Variants in AJAP1 observed in about 807,000 individuals in gnomAD.
The protein encoded by AJAP1 is adherens junctions associated protein 1.
In AJAP1, 5 loss-of-function variants were observed where a neutral mutation model predicts 35.0. That is an observed-to-expected ratio of 0.14 (90% confidence interval 0.07 to 0.30). The LOEUF is 0.30. AJAP1 is among the 10% of genes least tolerant of loss of function. AJAP1 has a pLI of 1.00. For synonymous variants in AJAP1, 284 were observed against 249.3 expected (o/e 1.14, Z -1.31); for missense variants, 586 against 571.0 (o/e 1.03, Z -0.27).
chr1:4,697,352 T>A (rs1263528902), intron 1 of AJAP1, among the ~76,000 whole-genome samples: 12 of 152,260 alleles, frequency 7.9e-5, no homozygotes, highest in Non-Finnish European at 4.4e-5. Flanking sequence ...AGGAAGCCAT[T>A]TGTGGCTTCG....
chr1:4,735,960 G>A (rs912628148), intron 2 of AJAP1, among the ~76,000 whole-genome samples: 2 of 152,226 alleles, frequency 1.3e-5, no homozygotes, highest in Admixed American at 1.3e-4. Flanking sequence ...TAGAGGAAGA[G>A]GGTTGGCGCT....
intron 2 of AJAP1, among the ~76,000 whole-genome samples, chr1:4,749,696 C>T (rs747006033): frequency 1.6e-4 from 24 of 152,226 alleles, no homozygotes; most frequent in African/African-American, 2.9e-4. Context: ...TTAGGGGCAG[C>T]GGCCCTGTGT....
intron 1 of AJAP1, among the ~76,000 whole-genome samples, chr1:4,675,053 C>T (rs901132506): frequency 3.3e-5 from 5 of 152,302 alleles, no homozygotes; most frequent in African/African-American, 1.2e-4. Flanking sequence ...TGGTCAGAGC[C>T]ATCAGGGCTG....
chr1:4,680,227 C>A (rs888795424), intron 1 of AJAP1, among the ~76,000 whole-genome samples: 1 of 152,140 alleles, frequency 6.6e-6, no homozygotes, highest in Non-Finnish European at 1.5e-5. Flanking sequence ...GATGTTAATC[C>A]TATCCATGAA....
intron 2 of AJAP1, among the ~76,000 whole-genome samples, chr1:4,715,910 C>A (rs1018984627): frequency 6.6e-6 from 1 of 152,228 alleles, no homozygotes; most frequent in East Asian, 1.9e-4. Flanking sequence ...AGCTTTGCCA[C>A]ATACTGGGGG....
chr1:4,747,441 T>C (rs1011943753), intron 2 of AJAP1, among the ~76,000 whole-genome samples: 1 of 152,166 alleles, frequency 6.6e-6, no homozygotes, highest in African/African-American at 2.4e-5. Flanking sequence ...TCCTCCTCCT[T>C]GGGCTTTCAG....
rs1327387513 is a variant in AJAP1 at position 4,679,848 on chromosome 1, T to TA, written c.29+24394_29+24395insA. ...GTGTGTGTGTGTGTGTGTGTGTGTG[T>TA]GTGTAGAGAGAGATACTTACAAGGA... is the stretch of plus-strand genomic sequence containing the variant. On this transcript the variant is annotated intron_variant, in intron 1 of 5. Transcript: ENST00000378191. Among the ~76,000 whole-genome samples the TA allele has an allele frequency of 1.6e-4, 23 of 141,120 alleles. No homozygotes were observed. The South Asian group carries it at 2.9e-3, about 18-fold the overall frequency. 92.6% of individuals were successfully genotyped at this position (141,120 alleles called of 152,430 possible).
At chr1:4,675,095 C>T (rs529686988) in intron 1 of AJAP1, among the ~76,000 whole-genome samples, 1 of 152,150 alleles carries the variant, frequency 6.6e-6, no homozygotes, top group Admixed American at 6.5e-5. Context: ...GAGCAAAACC[C>T]GTGCCCTCCT....
At chr1:4,742,772 C>T (rs1319616916) in intron 2 of AJAP1, among the ~76,000 whole-genome samples, 1 of 152,166 alleles carries the variant, frequency 6.6e-6, no homozygotes, top group Non-Finnish European at 1.5e-5. Flanking sequence ...CCACCCTAGC[C>T]CAGGTAGAAA....
chr1:4,708,049 C>A (rs1381343284), intron 1 of AJAP1, among the ~76,000 whole-genome samples: 2 of 149,656 alleles, frequency 1.3e-5, no homozygotes, highest in African/African-American at 2.5e-5. Flanking sequence ...CTCACTGCAA[C>A]CTCCGCCTCC....
intron 2 of AJAP1, among the ~76,000 whole-genome samples, chr1:4,756,432 T>C (rs1386362924): frequency 6.6e-6 from 1 of 152,158 alleles, no homozygotes; most frequent in Non-Finnish European, 1.5e-5. Flanking sequence ...AGCAGGGGCT[T>C]GTCTGGACCA....
chr1:4,707,978 T>TG (rs1165698458), intron 1 of AJAP1, among the ~76,000 whole-genome samples: 9 of 149,798 alleles, frequency 6.0e-5, no homozygotes, highest in African/African-American at 2.2e-4. Context: ...TTTTTTGTTT[T>TG]TTTTTTTTGA....
At chr1:4,762,715 C>A (rs1557644418) in intron 2 of AJAP1, among the ~76,000 whole-genome samples, 1 of 152,168 alleles carries the variant, frequency 6.6e-6, no homozygotes, top group African/African-American at 2.4e-5. Context: ...AGTCTCCCTG[C>A]TGAATTATTA....
intron 1 of AJAP1, among the ~76,000 whole-genome samples, chr1:4,658,353 G>A (rs1034051509): frequency 1.2e-4 from 18 of 152,178 alleles, no homozygotes; most frequent in African/African-American, 3.6e-4. Context: ...CTCAGTGCGC[G>A]CTGTACCATG....
At chr1:4,672,712 T>C (rs571927913) in intron 1 of AJAP1, among the ~76,000 whole-genome samples, 1 of 152,308 alleles carries the variant, frequency 6.6e-6, no homozygotes, top group South Asian at 2.1e-4. Flanking sequence ...CCCAGGCAGA[T>C]TCCATCCCTG....
rs553060051 is a variant in AJAP1 at position 4,716,839 on chromosome 1, G to C, written c.829+4140G>C. 2.0e-5 allele frequency among the ~76,000 whole-genome samples: 3 copies of C among 152,262 alleles called. No individual in the cohort carries two copies. The South Asian group carries it at 6.2e-4, about 32-fold the overall frequency. On this transcript the variant is annotated intron_variant, in intron 2 of 5. Coordinates refer to ENST00000378191, the MANE Select transcript of AJAP1 (RefSeq NM_018836.4). The stretch of plus-strand genomic sequence containing the variant: ...CTAATTTGCTGCCACTACCTTTACT[G>C]CTCTATTGAGGGGTCATTTGATGAG...
rs1184646080 is a variant in AJAP1, at chr1:4,787,431, A to T, written c.*4946A>T. The T allele has an allele frequency of 5.5e-5, 16 of 292,750 alleles. No homozygotes were observed. The highest frequency in any genetic ancestry group is 8.8e-5 in the Non-Finnish European group (13 of 147,342). 18.1% of individuals were successfully genotyped at this position (292,750 alleles called of 1,614,324 possible). A position where few individuals can be genotyped will look rare whatever the true frequency, so the allele number is the denominator to read the frequency against. ...CCTGCGACCCATCACCTACTGGAAA[A>T]TTACCACTTGCTGCTTGAGGGTTGG... On this transcript the variant is annotated 3_prime_UTR_variant, in exon 6 of 6. Transcript: ENST00000378191.
chr1:4,770,046 G>A (rs1279829982), intron 3 of AJAP1, 106 bp downstream of exon 3: 1 of 1,033,602 alleles, frequency 9.7e-7, no homozygotes. Context: ...TGTTCTGCTG[G>A]CTTCTGCCCT....
intron 2 of AJAP1, among the ~76,000 whole-genome samples, chr1:4,748,758 A>G (rs796843385): frequency 0.21 from 30,876 of 144,202 alleles, 3,371 homozygotes; most frequent in Non-Finnish European, 0.28. Context: ...AAAAAAAAAA[A>G]AAAAAAAAAA....
Sources: allele counts gnomAD v4.1 joint callset (sites outside exome capture counted in the v4.1 genomes callset), GRCh38; gene constraint gnomAD v4.1.1; transcripts MANE v1.5; gene names NCBI Gene and HGNC (gene_info 2026-07-23, HGNC 2026-07-21).